Variants in TUT1 observed in about 807,000 individuals in gnomAD.
TUT1 encodes the protein speckle targeted PIP5K1A-regulated poly(A) polymerase.
Under a neutral mutation model 48.8 loss-of-function variants are expected in TUT1, and 26 were observed. The ratio of observed to expected loss-of-function variants is 0.53; its 90% confidence interval spans 0.39 to 0.74. The LOEUF is 0.74. Among genes scored for constraint, TUT1 ranks in the 30% least tolerant of loss-of-function variants. TUT1 has a pLI of 0.00. For missense variants in TUT1, 1,065 were observed against 1,114.8 expected (o/e 0.96, Z 0.64); for synonymous variants, 470 against 460.8 (o/e 1.02, Z -0.26).
rs1290179666 is a variant in TUT1 at position 62,576,746 on chromosome 11, T to G, written c.1385A>C (p.Glu462Ala). 5.0e-6 allele frequency: 8 copies of G among 1,613,850 alleles called. No homozygotes were observed. The African/African-American group carries it at 9.4e-5, about 19-fold the overall frequency. The change falls in exon 8 of 9, where the codon GAG (glutamate) becomes GCG (alanine). Residue 462 changes from glutamate to alanine, a missense_variant. Physicochemically the swap from Glu to Ala is moderately radical, Grantham distance 107. Coordinates refer to ENST00000476907, the MANE Select transcript of TUT1 (RefSeq NM_022830.3). ...GCCATCGACTTCCACCTGTTCCCCC[T>G]CTCCTGTGAAAGTAAATAAGGTGAG... ...TVSQLTQKAG[E>A]GEQVEVDGWD...
chr11:62,578,579 T>G lies in TUT1; in HGVS notation c.1142A>C (p.Asp381Ala). The part of the protein sequence containing the change: ...FCHRPSGLHG[D>A]VSLSNRLALH... ...AAGGTACCGGTTACTGAGGGAGACA[T>G]CACCGTGGAGACCTGAAGGCCGATG... The change falls in exon 5 of 9, where the codon GAT (aspartate) becomes GCT (alanine). Residue 381 changes from aspartate (D) to alanine (A), a missense_variant. Physicochemically the swap from Asp to Ala is moderately radical, Grantham distance 126. Transcript: ENST00000476907. The G allele has an allele frequency of 6.2e-7, 1 of 1,605,696 alleles. No individual in the cohort carries two copies. Among genetic ancestry groups the G allele is most frequent in the Non-Finnish European group, 8.5e-7 (1 of 1,175,534 alleles).
At position 62,576,085 on chromosome 11, in the gene TUT1, A is replaced by C; in HGVS notation, c.1634T>G (p.Phe545Cys). The change falls in exon 9 of 9, where the codon TTT becomes TGT. Residue 545 changes from phenylalanine (F) to cysteine (C), a missense_variant. Coordinates refer to ENST00000476907, the MANE Select transcript of TUT1 (RefSeq NM_022830.3). ...RLGPLNLQDP[F>C]DLSHNVAANV... ...GGCTGCGACATTGTGACTCAGGTCA[A>C]AAGGGTCCTGGAGATTCAGGGGGCC... 1 of 1,613,992 alleles carries C rather than the reference A, an allele frequency of 6.2e-7. No homozygotes were observed. The highest frequency in any genetic ancestry group is 8.5e-7 in the Non-Finnish European group (1 of 1,180,030).
chr11:62,576,183 C>A lies in TUT1; in HGVS notation c.1536G>T (p.Leu512=). The A allele has an allele frequency of 6.2e-7, 1 of 1,610,304 alleles. No individual in the cohort carries two copies. The stretch of plus-strand genomic sequence containing the variant: ...GCAGTGCCTGACCCTCCCGCAGGGA[C>A]AGCAGGGAGCCACGAAGATCCCAAC... The part of the protein sequence containing the change: ...VSCWDLRGSL[L]SLREGQALPV... The change falls in exon 9 of 9, where the codon CTG becomes CTT. Residue 512 remains leucine, a synonymous_variant. Transcript: ENST00000476907.
chr11:62,579,110 T>G, intron 4 of TUT1, 80 bp from the exon 5 acceptor site: 1 of 1,114,282 alleles, frequency 9.0e-7, no homozygotes, highest in African/African-American at 1.6e-5. Context: ...TACTTCCAGC[T>G]TATTCAGCTC....
chr11:62,587,102 AAAAAAAAAAGG>A (rs1330057348), intron 2 of TUT1, among the ~76,000 whole-genome samples: 1 of 151,138 alleles, frequency 6.6e-6, no homozygotes, highest in Non-Finnish European at 1.5e-5. Flanking sequence ...CAAAAAAAAA[AAAAAAAAAAGG>A]AAAAAGAAAA....
In TUT1 at chr11:62,576,973, T is replaced by C; in HGVS notation, c.1315A>G (p.Ile439Val). Residue 439 changes from isoleucine (I) to valine (V), a missense_variant, in exon 7 of 9, where the codon ATC (isoleucine) becomes GTC (valine). Physicochemically the swap from Ile to Val is conservative, Grantham distance 29. Transcript: ENST00000476907. ...LSNYALTLLV[I>V]YFLQTRDPPV... ...GGGTCCCTGGTCTGAAGAAAATAGA[T>C]CACCAGCAAGGTCAGGGCGTAGTTA... 6.2e-7 allele frequency: 1 copy of C among 1,613,986 alleles called. No individual in the cohort carries two copies. The highest frequency in any genetic ancestry group is 2.2e-5 in the East Asian group (1 of 44,876).
In TUT1 at chr11:62,575,411, A is replaced by G. The variant is rs1451943592; in HGVS notation, c.2308T>C (p.Leu770=). Reference sequence around the variant, plus strand: ...CGCCCTTGCCACACTCGGTGCCACAAGGCACAGCGCCAGCTCGCTGAGGAG... The same window carrying G: ...CGCCCTTGCCACACTCGGTGCCACAGGGCACAGCGCCAGCTCGCTGAGGAG... The part of the protein sequence containing the change: ...LPSSASWRCA[L]WHRVWQGRRR... The change falls in exon 9 of 9, where the codon TTG becomes CTG. Residue 770 remains leucine, a synonymous_variant. Transcript: ENST00000476907. 4.3e-6 allele frequency: 7 copies of G among 1,611,828 alleles called. No homozygotes were observed. The highest frequency in any genetic ancestry group is 5.9e-6 in the Non-Finnish European group (7 of 1,180,008).
At chr11:62,585,875 G>A (rs1398919811) in intron 2 of TUT1, among the ~76,000 whole-genome samples, 1 of 152,118 alleles carries the variant, frequency 6.6e-6, no homozygotes, top group Non-Finnish European at 1.5e-5. Flanking sequence ...TTGGGAGGCC[G>A]AGGCAGGCGG....
intron 2 of TUT1, among the ~76,000 whole-genome samples, chr11:62,587,215 CTT>C (rs1295722759): frequency 2.0e-5 from 3 of 151,904 alleles, no homozygotes; most frequent in Middle Eastern, 3.2e-3. Context: ...GAGTTTCGCT[CTT>C]GTTGCCCAGG....
chr11:62,591,345 C>A, intron 1 of TUT1, 59 bp downstream of exon 1: 1 of 1,494,754 alleles, frequency 6.7e-7, no homozygotes, highest in Non-Finnish European at 8.9e-7. Context: ...TAACTTTCGC[C>A]AGGATCAAAA....
At chr11:62,590,349 C>T (rs887492868) in intron 1 of TUT1, among the ~76,000 whole-genome samples, 1 of 152,178 alleles carries the variant, frequency 6.6e-6, no homozygotes, top group African/African-American at 2.4e-5. Flanking sequence ...AAAAATTTGC[C>T]AAGTAGGCCG....
At position 62,578,937 on chromosome 11, in the gene TUT1, GA is replaced by G; in HGVS notation, c.783del (p.Pro262GlnfsTer51). ...PQALACTPAS[P>X]PDSQPPASPQ... ...GGAGAAGCAGGAGGTTGTGAATCTG[GA>G]GGGGAAGCTGGGGTGCAGGCCAGGG... On this transcript the variant is annotated frameshift_variant, in exon 5 of 9. Coordinates refer to ENST00000476907, the MANE Select transcript of TUT1 (RefSeq NM_022830.3). LOFTEE classifies it high-confidence loss of function. The G allele has an allele frequency of 6.4e-7, 1 of 1,559,656 alleles. No individual in the cohort carries two copies.
At chr11:62,579,159 T>C (rs1388399004) in intron 4 of TUT1, 129 bp from the exon 5 acceptor site, 1 of 588,304 alleles carries the variant, frequency 1.7e-6, no homozygotes, top group East Asian at 3.5e-5. Context: ...CATTTAATCT[T>C]CACAGGAACC....
In TUT1 at chr11:62,589,293, C is replaced by G. The variant is rs1941971111; in HGVS notation, c.83-72G>C. The G allele has an allele frequency of 1.3e-5, 18 of 1,416,376 alleles. No homozygotes were observed. In the South Asian group the frequency reaches 2.2e-4, roughly 17 times the overall value. 87.7% of individuals were successfully genotyped at this position (1,416,376 alleles called of 1,614,324 possible). ...GTGTCTGCCTTTGCTCTCTGCATAC[C>G]TAAATCTTACTGATCCTTCCAAGCC... On this transcript the variant is annotated intron_variant, in intron 1 of 8. Transcript: ENST00000476907.
In TUT1 at chr11:62,581,451, G is replaced by A. The variant is rs1057445611; in HGVS notation, c.524C>T (p.Ala175Val). 4 of 1,613,832 alleles carry A rather than the reference G, an allele frequency of 2.5e-6. No homozygotes were observed. The highest frequency in any genetic ancestry group is 2.5e-6 in the Non-Finnish European group (3 of 1,179,988). Residue 175 changes from alanine to valine, a missense_variant, in exon 3 of 9, where the codon GCC becomes GTC. Coordinates refer to ENST00000476907, the MANE Select transcript of TUT1 (RefSeq NM_022830.3). ...CACTAGGCTGCGAAGCTGCCGCTCG[G>A]CCTCGGACAACTCCCTCAGCCCCAC... ...KLVGLRELSEAERQLRSLVVA... is the reference protein window; with the variant it reads ...KLVGLRELSEVERQLRSLVVA...
chr11:62,590,433 G>C (rs1240289267), intron 1 of TUT1, among the ~76,000 whole-genome samples: 2 of 152,214 alleles, frequency 1.3e-5, no homozygotes, highest in Middle Eastern at 6.8e-3. Flanking sequence ...TCAGGAGATC[G>C]AGACCATCCT....
chr11:62,582,228 C>T (rs1004074256), intron 2 of TUT1, among the ~76,000 whole-genome samples: 22 of 152,018 alleles, frequency 1.4e-4, no homozygotes, highest in African/African-American at 4.6e-4. Context: ...TAAACTCGGC[C>T]TCCTAAAGTG....
intron 1 of TUT1, 73 bp downstream of exon 1, chr11:62,591,331 A>ACC: frequency 1.3e-6 from 2 of 1,486,736 alleles, no homozygotes; most frequent in Middle Eastern, 2.5e-4. Context: ...ACTACCTATA[A>ACC]CCCTAACTTT....
Position 62,581,554 on chromosome 11 carries a change from C to CT in TUT1, c.420dup (p.Gly141ArgfsTer15). On this transcript the variant is annotated frameshift_variant, in exon 3 of 9. Coordinates refer to ENST00000476907, the MANE Select transcript of TUT1 (RefSeq NM_022830.3). LOFTEE classifies it high-confidence loss of function. ...AGCTGGTGACTGTCGGGGGCCGCTC[C>CT]TTTGGGGGATTTGGAGGCCGGGCTC... is the stretch of plus-strand genomic sequence containing the variant. 6.2e-7 allele frequency: 1 copy of CT among 1,612,704 alleles called. No homozygotes were observed. Among genetic ancestry groups the CT allele is most frequent in the Non-Finnish European group, 8.5e-7 (1 of 1,179,454 alleles).
Sources: allele counts gnomAD v4.1 joint callset (sites outside exome capture counted in the v4.1 genomes callset), GRCh38; gene constraint gnomAD v4.1.1; transcripts MANE v1.5; gene names NCBI Gene and HGNC (gene_info 2026-07-23, HGNC 2026-07-21).